The following EPHB1 variants were observed in gnomAD, a reference collection of about 807,000 sequenced individuals.
EPHB1 encodes ephrin type-B receptor 1.
In EPHB1, 30 loss-of-function variants were observed where a neutral mutation model predicts 94.4. The observed-to-expected ratio is 0.32, with a 90% confidence interval of 0.24 to 0.43. EPHB1 has a LOEUF of 0.43. Ranked by LOEUF, EPHB1 falls within the 20% of genes least tolerant of loss-of-function variation. The probability of loss-of-function intolerance (pLI) is 1.00; values close to 1 mark genes in which losing one functional copy is unlikely to be tolerated. For synonymous variants in EPHB1, 522 were observed against 489.1 expected (o/e 1.07, Z -0.89); for missense variants, 1,055 against 1,308.3 (o/e 0.81, Z 2.99).
At chr3:135,106,127 A>T (rs911964008) in intron 3 of EPHB1, among the ~76,000 whole-genome samples, 2 of 152,188 alleles carry the variant, frequency 1.3e-5, no homozygotes, top group African/African-American at 4.8e-5. Context: ...CCATTTATAG[A>T]GCACTTATGT....
chr3:134,850,295 T>G (rs2036954382), intron 1 of EPHB1, among the ~76,000 whole-genome samples: 1 of 152,168 alleles, frequency 6.6e-6, no homozygotes, highest in South Asian at 2.1e-4. Context: ...GTTACTGCCA[T>G]TGTCATATCT....
intron 1 of EPHB1, among the ~76,000 whole-genome samples, chr3:134,846,072 G>A (rs139665735): frequency 6.6e-6 from 1 of 152,304 alleles, no homozygotes; most frequent in Non-Finnish European, 1.5e-5. Flanking sequence ...GTGCTTGGGA[G>A]TTGCATCTCC....
chr3:134,915,904 G>C (rs2038558820), intron 1 of EPHB1, among the ~76,000 whole-genome samples: 1 of 152,176 alleles, frequency 6.6e-6, no homozygotes, highest in African/African-American at 2.4e-5. Flanking sequence ...GGGTGGGAGG[G>C]GACCCGAATG....
chr3:135,140,158 A>G (rs1940769552), intron 5 of EPHB1, among the ~76,000 whole-genome samples: 1 of 152,196 alleles, frequency 6.6e-6, no homozygotes. Flanking sequence ...AGATTGTTAT[A>G]ACCCTTATTG....
intron 3 of EPHB1, among the ~76,000 whole-genome samples, chr3:134,975,829 GATGCATACAT>G (rs1934168587): frequency 6.6e-6 from 1 of 152,016 alleles, no homozygotes; most frequent in South Asian, 2.1e-4. Context: ...GGCATGTGCA[GATGCATACAT>G]GTGCACACAT....
intron 1 of EPHB1, among the ~76,000 whole-genome samples, chr3:134,873,022 A>G (rs1325778976): frequency 6.6e-6 from 1 of 152,222 alleles, no homozygotes; most frequent in South Asian, 2.1e-4. Context: ...CACAATTCAC[A>G]CAGTGACATT....
In EPHB1 at chr3:135,192,831, C is replaced by T. The variant is rs984335916; in HGVS notation, c.2130+8C>T. 1.2e-6 allele frequency: 2 copies of T among 1,611,682 alleles called. No homozygotes were observed. The highest frequency in any genetic ancestry group is 2.2e-5 in the South Asian group (2 of 90,936). On this transcript the variant is annotated splice_region_variant and intron_variant, in intron 11 of 15. Coordinates refer to ENST00000398015, the MANE Select transcript of EPHB1 (RefSeq NM_004441.5). ...TTGGATTCTTTCCTCAGGGTAAGAG[C>T]AACTCAGGGGTTTGATGATGCACTT... is the stretch of plus-strand genomic sequence containing the variant.
At chr3:134,967,677 C>T (rs554088046) in intron 3 of EPHB1, among the ~76,000 whole-genome samples, 1 of 152,328 alleles carries the variant, frequency 6.6e-6, no homozygotes, top group African/African-American at 2.4e-5. Flanking sequence ...TTGGAACTCC[C>T]AGCCTTCAGA....
At chr3:135,135,635 G>T (rs936164531) in intron 5 of EPHB1, among the ~76,000 whole-genome samples, 3 of 152,192 alleles carry the variant, frequency 2.0e-5, no homozygotes, top group Admixed American at 6.5e-5. Flanking sequence ...CTCACACTGG[G>T]TCAGATCTAG....
intron 12 of EPHB1, among the ~76,000 whole-genome samples, chr3:135,204,995 G>C (rs1363079834): frequency 3.0e-5 from 4 of 134,840 alleles, no homozygotes; most frequent in African/African-American, 1.1e-4. Flanking sequence ...ATCTCCATGA[G>C]TTCAATTGTT....
At chr3:134,811,263 T>TG (rs1553853002) in intron 1 of EPHB1, among the ~76,000 whole-genome samples, 1 of 148,060 alleles carries the variant, frequency 6.8e-6, no homozygotes, top group African/African-American at 2.5e-5. Context: ...TTTTTTTTTT[T>TG]CTGTCTTGCT....
At chr3:135,126,728 C>T (rs962717050) in intron 4 of EPHB1, among the ~76,000 whole-genome samples, 2 of 152,154 alleles carry the variant, frequency 1.3e-5, no homozygotes, top group Non-Finnish European at 2.9e-5. Context: ...ATGTCTTTTC[C>T]CAAGCATCTG....
At chr3:134,839,612 C>T (rs919214880) in intron 1 of EPHB1, among the ~76,000 whole-genome samples, 9 of 151,958 alleles carry the variant, frequency 5.9e-5, no homozygotes, top group Non-Finnish European at 1.3e-4. Flanking sequence ...TTCTGCACCC[C>T]AGACTGAGTC....
chr3:135,191,987 G>A (rs1942467680), intron 10 of EPHB1, among the ~76,000 whole-genome samples: 1 of 152,210 alleles, frequency 6.6e-6, no homozygotes, highest in Non-Finnish European at 1.5e-5. Context: ...AGGTCTGCAT[G>A]GTGATCTTGG....
At chr3:134,916,530 G>C (rs373474070) in intron 1 of EPHB1, among the ~76,000 whole-genome samples, 2 of 152,246 alleles carry the variant, frequency 1.3e-5, no homozygotes, top group Non-Finnish European at 2.9e-5. Flanking sequence ...AAGGCCTGGC[G>C]AGAATCGAGT....
intron 12 of EPHB1, among the ~76,000 whole-genome samples, chr3:135,213,016 A>G (rs1165474344): frequency 6.6e-6 from 1 of 152,162 alleles, no homozygotes; most frequent in Admixed American, 6.5e-5. Flanking sequence ...AGATCTTTTT[A>G]ACATCACCAT....
Position 134,951,553 on chromosome 3 carries a change from C to T in EPHB1, c.306C>T (p.Val102=), listed in dbSNP as rs938566673. 2 of 1,613,904 alleles carry T rather than the reference C, an allele frequency of 1.2e-6. No homozygotes were observed. The highest frequency in any genetic ancestry group is 8.5e-7 in the Non-Finnish European group (1 of 1,179,870). Residue 102 remains valine (V), a synonymous_variant, in exon 3 of 16, where the codon GTC becomes GTT. Transcript: ENST00000398015. This position sits in a 1 kb window ranked among gnomAD's most constrained non-coding sequence, Gnocchi z 4.5. ...TVRDCSSLPN[V]PGSCKETFNL... ...GAGACTGCAGCAGCCTCCCTAATGT[C>T]CCAGGATCCTGCAAGGAGACCTTCA... is the stretch of plus-strand genomic sequence containing the variant.
intron 2 of EPHB1, among the ~76,000 whole-genome samples, chr3:134,948,674 G>A (rs2039262385): frequency 6.6e-6 from 1 of 152,228 alleles, no homozygotes; most frequent in Admixed American, 6.5e-5. Context: ...CACATGGTGG[G>A]GCCTGGGCAC....
chr3:134,955,103 T>TTTTTTTTTTTA (rs1559770507), intron 3 of EPHB1, among the ~76,000 whole-genome samples: 11 of 44,520 alleles, frequency 2.5e-4, no homozygotes, highest in Non-Finnish European at 3.3e-4. Flanking sequence ...TTTTTTTTTT[T>TTTTTTTTTTTA]AATTTTTTTT....
Sources: gnomAD v4.1 joint callset for allele counts (sites outside exome capture counted in the v4.1 genomes callset) on GRCh38, gnomAD v4.1.1 for gene constraint, Gnocchi (gnomAD v3.1) non-coding constraint, MANE v1.5 for transcripts, NCBI Gene and HGNC (gene_info 2026-07-23, HGNC 2026-07-21) for gene names.